PTPRM: variants seen among roughly 807,000 people sequenced by gnomAD.
PTPRM encodes the protein receptor-type tyrosine-protein phosphatase mu.
A neutral mutation model predicts 186.7 loss-of-function variants in PTPRM; 47 were observed. That is an observed-to-expected ratio of 0.25 (90% CI 0.20 to 0.32). The LOEUF is 0.32. Ranked by LOEUF, PTPRM falls within the 10% of genes least tolerant of loss-of-function variation. The pLI is 1.00. For synonymous variants in PTPRM, 668 were observed against 674.9 expected (o/e 0.99, Z 0.16); for missense variants, 1,494 against 1,865.0 (o/e 0.80, Z 3.66).
rs550024073 is a variant in PTPRM at position 7,736,673 on chromosome 18, T to C, written c.74-37476T>C. Among the ~76,000 whole-genome samples, 8 of 152,350 alleles carry C rather than the reference T, an allele frequency of 5.3e-5. No individual in the cohort carries two copies. In the South Asian group the frequency reaches 1.7e-3, roughly 32 times the overall value. On this transcript the variant is annotated intron_variant, in intron 1 of 32. Coordinates refer to ENST00000580170, the MANE Select transcript of PTPRM (RefSeq NM_001105244.2). Reference sequence around the variant, plus strand: ...CAAGGGGTACGTGACAGGGGCTGCATGCTCTGGTGGTCAGAGAAAAACAGA... The same window carrying C: ...CAAGGGGTACGTGACAGGGGCTGCACGCTCTGGTGGTCAGAGAAAAACAGA...
intron 5 of PTPRM, among the ~76,000 whole-genome samples, chr18:7,931,675 CA>C (rs1417757418): frequency 6.6e-6 from 1 of 151,556 alleles, no homozygotes; most frequent in African/African-American, 2.4e-5. Context: ...CACTCCGTCT[CA>C]AAAAAAATAA....
At chr18:7,932,619 C>T (rs1050962512) in intron 5 of PTPRM, among the ~76,000 whole-genome samples, 6 of 152,034 alleles carry the variant, frequency 3.9e-5, no homozygotes, top group African/African-American at 1.4e-4. Context: ...ACTGAGTGAT[C>T]TTGCATCTCA....
Position 7,667,121 on chromosome 18 carries a change from T to C in PTPRM, c.73+99230T>C, listed in dbSNP as rs530273377. ...GTTAGGATTTCATTACGACTGTGTG[T>C]TGTCTCTGGCTGTACATTTACATTT... On this transcript the variant is annotated intron_variant, in intron 1 of 32. Transcript: ENST00000580170. 1.2e-4 allele frequency among the ~76,000 whole-genome samples: 19 copies of C among 152,360 alleles called. 1 individual carries two copies. The South Asian group carries it at 3.9e-3, about 32-fold the overall frequency.
chr18:8,279,328 G>A (rs74897863), intron 19 of PTPRM, among the ~76,000 whole-genome samples: 4,190 of 152,296 alleles, frequency 0.028, 83 homozygotes, highest in Middle Eastern at 0.044. Context: ...GCCTGATGTA[G>A]CAGGGCTGGA....
intron 7 of PTPRM, among the ~76,000 whole-genome samples, chr18:8,068,331 G>A (rs898706811): frequency 2.9e-4 from 44 of 152,266 alleles, no homozygotes; most frequent in African/African-American, 1.1e-3. Flanking sequence ...ACCTATGGGT[G>A]TATAACACAA....
chr18:8,099,240 G>GC (rs1568338963), intron 11 of PTPRM, among the ~76,000 whole-genome samples: 1 of 151,038 alleles, frequency 6.6e-6, no homozygotes, highest in African/African-American at 2.4e-5. Flanking sequence ...GCCCACCCTG[G>GC]CCCCCTGCCC....
intron 19 of PTPRM, among the ~76,000 whole-genome samples, chr18:8,277,066 A>T (rs1423117960): frequency 6.6e-6 from 1 of 151,866 alleles, no homozygotes; most frequent in Non-Finnish European, 1.5e-5. Flanking sequence ...CCCCCTGAGT[A>T]GCTGGGACTA....
intron 9 of PTPRM, among the ~76,000 whole-genome samples, chr18:8,081,858 G>C (rs2145204313): frequency 6.6e-6 from 1 of 152,284 alleles, no homozygotes; most frequent in Non-Finnish European, 1.5e-5. Flanking sequence ...GCATGAATTA[G>C]TGTATACATG....
chr18:7,884,670 C>G lies in PTPRM; in HGVS notation c.197-3436C>G, dbSNP rs1055747848. Among the ~76,000 whole-genome samples the G allele has an allele frequency of 2.0e-5, 3 of 152,008 alleles. No homozygotes were observed. The East Asian group carries it at 5.8e-4, about 29-fold the overall frequency. ...AGGTGCGGTGGCTCTTGCCTGTAAT[C>G]CCAGCACTTTGGGAGGCCGAGGTGG... is the stretch of plus-strand genomic sequence containing the variant. On this transcript the variant is annotated intron_variant, in intron 2 of 32. Transcript: ENST00000580170.
chr18:8,010,362 C>G (rs529179414), intron 7 of PTPRM, among the ~76,000 whole-genome samples: 1 of 152,294 alleles, frequency 6.6e-6, no homozygotes, highest in Non-Finnish European at 1.5e-5. Context: ...AGATTTTCAT[C>G]ATTATCTCAT....
intron 19 of PTPRM, among the ~76,000 whole-genome samples, 162 bp downstream of exon 19, chr18:8,253,576 T>C (rs571459537): frequency 2.0e-5 from 3 of 152,022 alleles, no homozygotes; most frequent in Non-Finnish European, 4.4e-5. Context: ...GGGGATTGGT[T>C]CCAGGACCCC....
chr18:8,262,049 C>T (rs998474964), intron 19 of PTPRM, among the ~76,000 whole-genome samples: 1 of 152,082 alleles, frequency 6.6e-6, no homozygotes, highest in African/African-American at 2.4e-5. Context: ...TAGTTTGATG[C>T]TGTCACCGCC....
intron 2 of PTPRM, chr18:7,815,411 T>C (rs1465326131): frequency 6.6e-6 from 1 of 152,248 alleles, no homozygotes; most frequent in Non-Finnish European, 1.5e-5. Context: ...GGGGCAGTTC[T>C]GTGAAGGTGG....
At chr18:8,285,540 G>A (rs1000790765) in intron 19 of PTPRM, among the ~76,000 whole-genome samples, 9 of 152,298 alleles carry the variant, frequency 5.9e-5, no homozygotes, top group East Asian at 1.9e-4. Context: ...CTTTTGATTC[G>A]CCAGGGAACC....
intron 7 of PTPRM, among the ~76,000 whole-genome samples, chr18:7,959,512 C>T (rs1290251945): frequency 6.6e-6 from 1 of 152,234 alleles, no homozygotes; most frequent in Non-Finnish European, 1.5e-5. Flanking sequence ...TATTACCCAT[C>T]ATTCCTGTGT....
chr18:8,343,762 C>A (rs190670118), intron 23 of PTPRM, among the ~76,000 whole-genome samples: 3 of 152,180 alleles, frequency 2.0e-5, no homozygotes, highest in Non-Finnish European at 4.4e-5. Context: ...CAGTTGTTAT[C>A]GGGCCATATT....
chr18:7,949,150 CT>C (rs1568059309), intron 5 of PTPRM, 30 bp from the exon 6 acceptor site: 3 of 1,535,168 alleles, frequency 2.0e-6, no homozygotes, highest in African/African-American at 2.7e-5. Context: ...TATATTGCTT[CT>C]TTTTGTCCTC....
intron 17 of PTPRM, among the ~76,000 whole-genome samples, chr18:8,252,173 A>G (rs2094533830): frequency 6.6e-6 from 1 of 152,254 alleles, no homozygotes; most frequent in African/African-American, 2.4e-5. Flanking sequence ...GACTTGTTCA[A>G]GAAATTTAAA....
intron 4 of PTPRM, among the ~76,000 whole-genome samples, chr18:7,916,989 C>T (rs561468032): frequency 2.0e-5 from 3 of 152,296 alleles, no homozygotes; most frequent in African/African-American, 7.2e-5. Flanking sequence ...CTCTTGACTT[C>T]TGAGATCAAC....
Sources: gnomAD v4.1 joint callset for allele counts (sites outside exome capture counted in the v4.1 genomes callset) on GRCh38, gnomAD v4.1.1 for gene constraint, MANE v1.5 for transcripts, NCBI Gene and HGNC (gene_info 2026-07-23, HGNC 2026-07-21) for gene names.